Variants in SCYL2 observed in about 807,000 individuals in gnomAD.
The protein encoded by SCYL2 is SCY1-like protein 2.
SCYL2 carries 36 observed loss-of-function variants against 100.4 expected under a neutral mutation model. The observed-to-expected ratio is 0.36, with a 90% CI of 0.27 to 0.47. The LOEUF (loss-of-function observed/expected upper bound fraction) is 0.47. Among genes scored for constraint, SCYL2 ranks in the 20% least tolerant of loss-of-function variants. The probability of loss-of-function intolerance (pLI) is 1.00; values close to 1 mark genes in which losing one functional copy is unlikely to be tolerated. For missense variants in SCYL2, 902 were observed against 1,083.9 expected (o/e 0.83, Z 2.36); for synonymous variants, 330 against 359.2 (o/e 0.92, Z 0.92).
At chr12:100,279,104 A>G (rs2096295517) in intron 1 of SCYL2, among the ~76,000 whole-genome samples, 1 of 152,208 alleles carries the variant, frequency 6.6e-6, no homozygotes, top group South Asian at 2.1e-4. Flanking sequence ...GTATAGCAGC[A>G]GTCCCCAACC....
At chr12:100,317,986 G>T in intron 10 of SCYL2, 61 bp downstream of exon 10, 3 of 1,453,166 alleles carry the variant, frequency 2.1e-6, no homozygotes, top group South Asian at 3.1e-5. Flanking sequence ...AGAAGAAGAG[G>T]TATAAAGTAC....
In SCYL2 at chr12:100,339,427, A is replaced by G; in HGVS notation, c.*255A>G. 1 of 423,662 alleles carries G rather than the reference A, an allele frequency of 2.4e-6. No homozygotes were observed. The highest frequency in any genetic ancestry group is 4.2e-6 in the Non-Finnish European group (1 of 238,234). The allele number at this position is 423,662 out of a possible 1,614,324, so 26.2% of individuals were successfully genotyped here. Reference sequence around the variant, plus strand: ...AAAGACCCAGCCCTTCCCAATCTCAAAGAGAAAAAGGAAACTGAGTTATCT... The same window carrying G: ...AAAGACCCAGCCCTTCCCAATCTCAGAGAGAAAAAGGAAACTGAGTTATCT... On this transcript the variant is annotated 3_prime_UTR_variant, in exon 18 of 18. Transcript: ENST00000360820.
intron 8 of SCYL2, among the ~76,000 whole-genome samples, chr12:100,315,064 C>T (rs1046909415): frequency 9.9e-5 from 15 of 152,194 alleles, no homozygotes; most frequent in African/African-American, 3.6e-4. Flanking sequence ...AAAAACATTT[C>T]CAGTGTTTAA....
At chr12:100,269,800 C>T (rs2096285346) in intron 1 of SCYL2, among the ~76,000 whole-genome samples, 2 of 152,084 alleles carry the variant, frequency 1.3e-5, no homozygotes, top group South Asian at 4.1e-4. Flanking sequence ...GGAGCTTTCT[C>T]AGGATACAGA....
intron 1 of SCYL2, among the ~76,000 whole-genome samples, chr12:100,271,651 G>T (rs1222924121): frequency 6.6e-6 from 1 of 152,188 alleles, no homozygotes; most frequent in East Asian, 1.9e-4. Flanking sequence ...TAGGTGCCAT[G>T]AGACTGAAAG....
intron 1 of SCYL2, 57 bp downstream of exon 1, chr12:100,267,849 C>T (rs11616137): frequency 0.032 from 4,954 of 152,698 alleles, 102 homozygotes; most frequent in African/African-American, 0.059. Context: ...GGTCACCAGC[C>T]AGGGCCCTGC....
chr12:100,283,207 A>G, intron 2 of SCYL2, 60 bp downstream of exon 2: 1 of 1,417,892 alleles, frequency 7.1e-7, no homozygotes, highest in South Asian at 1.4e-5. Context: ...CATAAAATGC[A>G]TGTGTGCATT....
chr12:100,338,667 C>T lies in SCYL2; in HGVS notation c.2285C>T (p.Thr762Ile). ...MGIGMMFSTP[T>I]DNTKRNLTNG... ...ATTGGTATGATGTTTTCTACACCAA[C>T]TGATAATACAAAGAGAAATTTGACA... Residue 762 changes from threonine (T) to isoleucine (I), a missense_variant, in exon 18 of 18, where the codon ACT (threonine) becomes ATT (isoleucine). Physicochemically the swap from Thr to Ile is moderately conservative, Grantham distance 89. Coordinates refer to ENST00000360820, the MANE Select transcript of SCYL2 (RefSeq NM_017988.6). 1 of 1,614,034 alleles carries T rather than the reference C, an allele frequency of 6.2e-7. No individual in the cohort carries two copies. The highest frequency in any genetic ancestry group is 8.5e-7 in the Non-Finnish European group (1 of 1,179,976).
intron 1 of SCYL2, among the ~76,000 whole-genome samples, chr12:100,277,223 G>A (rs2096293503): frequency 6.6e-6 from 1 of 152,158 alleles, no homozygotes; most frequent in African/African-American, 2.4e-5. Context: ...AATGTTACAT[G>A]TCTGCATGAA....
chr12:100,310,132 G>A (rs1376644327), intron 4 of SCYL2, among the ~76,000 whole-genome samples: 1 of 152,062 alleles, frequency 6.6e-6, no homozygotes, highest in Non-Finnish European at 1.5e-5. Flanking sequence ...CCGAGTAGCT[G>A]GGTCTAGAGG....
In SCYL2 at chr12:100,314,146, G is replaced by A. The variant is rs1007389675; in HGVS notation, c.970-343G>A. 3.9e-5 allele frequency among the ~76,000 whole-genome samples: 6 copies of A among 152,152 alleles called. No homozygotes were observed. The South Asian group carries it at 6.2e-4, about 16-fold the overall frequency. On this transcript the variant is annotated intron_variant, in intron 7 of 17. Transcript: ENST00000360820. ...GCCTACCTCGGCCTCCCGAAGTGTT[G>A]GGATTATAGGCATGAGCCACCGTGC...
chr12:100,325,612 T>G (rs1365239646), intron 11 of SCYL2, among the ~76,000 whole-genome samples: 1 of 152,154 alleles, frequency 6.6e-6, no homozygotes, highest in Non-Finnish European at 1.5e-5. Context: ...TTAATACTCT[T>G]CCCTGAAAAT....
At chr12:100,308,835 C>G (rs1415711264) in intron 4 of SCYL2, among the ~76,000 whole-genome samples, 2 of 152,058 alleles carry the variant, frequency 1.3e-5, no homozygotes, top group Non-Finnish European at 2.9e-5. Context: ...AGCATGTGTG[C>G]TAGTTGAGCC....
intron 6 of SCYL2, among the ~76,000 whole-genome samples, chr12:100,313,060 T>C (rs1010367543): frequency 1.3e-5 from 2 of 152,284 alleles, no homozygotes; most frequent in East Asian, 3.9e-4. Context: ...GCCTGGGAGT[T>C]TGGGGCTGCA....
At position 100,334,245 on chromosome 12, in the gene SCYL2, A is replaced by G. The variant is rs1280247750; in HGVS notation, c.1841A>G (p.His614Arg). The part of the protein sequence containing the change: ...SEHKTKLEQL[H>R]IMQEQQKSLD... ...CATAAGACTAAACTGGAGCAACTTC[A>G]TATAATGCAAGAACAGCAGAAGTAA... Residue 614 changes from histidine (H) to arginine (R), a missense_variant, in exon 14 of 18, where the codon CAT becomes CGT. Physicochemically the swap from His to Arg is conservative, Grantham distance 29. Coordinates refer to ENST00000360820, the MANE Select transcript of SCYL2 (RefSeq NM_017988.6). 1.3e-6 allele frequency: 2 copies of G among 1,592,454 alleles called. No individual in the cohort carries two copies. The highest frequency in any genetic ancestry group is 1.7e-5 in the Admixed American group (1 of 59,932).
At position 100,333,901 on chromosome 12, in the gene SCYL2, G is replaced by A. The variant is rs528494404; in HGVS notation, c.1762-265G>A. ...TGAATAATAGCTATTAAACAACTCC[G>A]GGAGTAAAACTCATTATTGAGACAT... On this transcript the variant is annotated intron_variant, in intron 13 of 17. Transcript: ENST00000360820. The A allele has an allele frequency of 4.0e-5, 11 of 277,718 alleles. No homozygotes were observed. The East Asian group carries it at 6.7e-4, about 17-fold the overall frequency. The allele number at this position is 277,718 out of a possible 1,614,324, so 17.2% of individuals were successfully genotyped here.
intron 16 of SCYL2, 119 bp downstream of exon 16, chr12:100,336,025 C>A: frequency 1.4e-6 from 1 of 729,572 alleles, no homozygotes; most frequent in Non-Finnish European, 2.3e-6. Flanking sequence ...TTGTAATTAT[C>A]TTTCTGAAAT....
intron 4 of SCYL2, among the ~76,000 whole-genome samples, chr12:100,303,709 G>A (rs1173355535): frequency 2.6e-5 from 4 of 152,196 alleles, no homozygotes; most frequent in African/African-American, 9.6e-5. Flanking sequence ...CTGCTGGGAG[G>A]TGTCTCCCAG....
chr12:100,284,607 C>T (rs1360628468), intron 2 of SCYL2, among the ~76,000 whole-genome samples: 1 of 152,074 alleles, frequency 6.6e-6, no homozygotes, highest in African/African-American at 2.4e-5. Flanking sequence ...GGACTACAGG[C>T]GTGCACCACC....
Sources: allele counts gnomAD v4.1 joint callset (sites outside exome capture counted in the v4.1 genomes callset), GRCh38; gene constraint gnomAD v4.1.1; transcripts MANE v1.5; gene names NCBI Gene and HGNC (gene_info 2026-07-23, HGNC 2026-07-21).